CPNE4: variants seen among roughly 807,000 people sequenced by gnomAD.
CPNE4 encodes copine 4, also known as copine-4.
A neutral mutation model predicts 67.9 loss-of-function variants in CPNE4; 25 were observed. The observed-to-expected ratio is 0.37, with a 90% CI of 0.27 to 0.51. CPNE4 has a LOEUF of 0.51. Among genes scored for constraint, CPNE4 ranks in the 20% least tolerant of loss-of-function variants. The probability of loss-of-function intolerance (pLI) is 0.93; values close to 1 mark genes in which losing one functional copy is unlikely to be tolerated. For missense variants in CPNE4, 464 were observed against 690.8 expected (o/e 0.67, Z 3.68); for synonymous variants, 242 against 244.9 (o/e 0.99, Z 0.11).
intron 1 of CPNE4, among the ~76,000 whole-genome samples, chr3:131,931,251 C>T (rs1160214376): frequency 6.6e-6 from 1 of 152,098 alleles, no homozygotes; most frequent in Non-Finnish European, 1.5e-5. Flanking sequence ...CATACAAATA[C>T]TGCAAACATG....
chr3:131,744,216 G>A (rs1376298134), intron 2 of CPNE4, among the ~76,000 whole-genome samples: 2 of 151,778 alleles, frequency 1.3e-5, no homozygotes, highest in East Asian at 1.9e-4. Context: ...AAGAGGATTT[G>A]GTAAGATGCC....
chr3:131,952,838 T>C (rs1583504757), intron 1 of CPNE4, among the ~76,000 whole-genome samples: 1 of 152,192 alleles, frequency 6.6e-6, no homozygotes, highest in Non-Finnish European at 1.5e-5. Flanking sequence ...AATCGGATGG[T>C]TGCCCTGTCT....
intron 7 of CPNE4, among the ~76,000 whole-genome samples, chr3:131,657,888 A>G (rs2080019657): frequency 6.6e-6 from 1 of 152,076 alleles, no homozygotes; most frequent in Non-Finnish European, 1.5e-5. Context: ...TTTAAGATCA[A>G]GCACCTTATT....
At chr3:131,709,766 T>G (rs942876727) in intron 3 of CPNE4, among the ~76,000 whole-genome samples, 2 of 152,206 alleles carry the variant, frequency 1.3e-5, no homozygotes, top group Non-Finnish European at 2.9e-5. Context: ...ATGAGATAAT[T>G]GGTACGAAGC....
intron 15 of CPNE4, among the ~76,000 whole-genome samples, chr3:131,539,127 A>T (rs146203580): frequency 1.1e-3 from 169 of 152,308 alleles, no homozygotes; most frequent in African/African-American, 4.0e-3. Context: ...TATTGAATTC[A>T]AAGTAGATTA....
At chr3:131,620,991 G>A (rs893281007) in intron 7 of CPNE4, among the ~76,000 whole-genome samples, 3 of 151,026 alleles carry the variant, frequency 2.0e-5, no homozygotes, top group African/African-American at 5.0e-5. Context: ...CCATCATCAA[G>A]TGGTTTTTGT....
intron 12 of CPNE4, among the ~76,000 whole-genome samples, chr3:131,554,379 G>T (rs2107649291): frequency 6.6e-6 from 1 of 152,188 alleles, no homozygotes; most frequent in East Asian, 1.9e-4. Flanking sequence ...TTAAAAGTGT[G>T]TCAAATATAA....
At chr3:131,637,907 C>A (rs1467214305) in intron 7 of CPNE4, among the ~76,000 whole-genome samples, 1 of 152,118 alleles carries the variant, frequency 6.6e-6, no homozygotes, top group Non-Finnish European at 1.5e-5. Context: ...AAAAAATTAT[C>A]AGCCAAAATT....
chr3:131,576,041 A>G (rs868692611), intron 9 of CPNE4, among the ~76,000 whole-genome samples: 1 of 152,308 alleles, frequency 6.6e-6, no homozygotes, highest in African/African-American at 2.4e-5. Flanking sequence ...TACAGTGATT[A>G]GAAAAACACA....
At chr3:131,588,272 G>C (rs757194109) in intron 7 of CPNE4, among the ~76,000 whole-genome samples, 4 of 152,094 alleles carry the variant, frequency 2.6e-5, no homozygotes, top group African/African-American at 4.8e-5. Context: ...TTCAGCTCTC[G>C]AGTGATACTT....
At chr3:131,679,893 T>C (rs994187038) in intron 6 of CPNE4, among the ~76,000 whole-genome samples, 20 of 152,298 alleles carry the variant, frequency 1.3e-4, no homozygotes, top group African/African-American at 4.6e-4. Context: ...GTGAGAAGAA[T>C]GTATATTCTA....
intron 7 of CPNE4, among the ~76,000 whole-genome samples, chr3:131,653,845 A>G (rs146968753): frequency 6.6e-6 from 1 of 152,322 alleles, no homozygotes; most frequent in African/African-American, 2.4e-5. Flanking sequence ...TATGCAACTT[A>G]CACGTCAGCA....
rs761038808 is a variant in CPNE4, at chr3:131,555,480, C to T, written c.1116+17G>A. The T allele has an allele frequency of 6.2e-7, 1 of 1,609,064 alleles. No homozygotes were observed. Among genetic ancestry groups the T allele is most frequent in the South Asian group, 1.1e-5 (1 of 90,562 alleles). ...ACCACAGTGAAGTGGAAGAAGATCA[C>T]ATCTCCACTCACTCACCGTGTACTC... On this transcript the variant is annotated intron_variant, in intron 12 of 15. Transcript: ENST00000429747.
At chr3:131,876,599 A>C (rs1335601774) in intron 2 of CPNE4, among the ~76,000 whole-genome samples, 4 of 141,822 alleles carry the variant, frequency 2.8e-5, no homozygotes, top group Non-Finnish European at 6.0e-5. Flanking sequence ...CCAAGATCGC[A>C]CCATTGCACT....
chr3:132,033,725 G>A, intron 1 of CPNE4, among the ~76,000 whole-genome samples: 1 of 152,236 alleles, frequency 6.6e-6, no homozygotes, highest in East Asian at 1.9e-4. Context: ...GATGAAGGAG[G>A]AGCATTTTTC....
chr3:131,873,739 A>C (rs909399347), intron 2 of CPNE4, among the ~76,000 whole-genome samples: 6 of 152,124 alleles, frequency 3.9e-5, no homozygotes, highest in Non-Finnish European at 8.8e-5. Context: ...CCATAAATGG[A>C]CCTTATCACT....
At chr3:131,663,068 C>T (rs998627943) in intron 7 of CPNE4, among the ~76,000 whole-genome samples, 5 of 152,088 alleles carry the variant, frequency 3.3e-5, no homozygotes, top group African/African-American at 4.8e-5. Flanking sequence ...ACCCAAATGC[C>T]CATTAATGAT....
chr3:131,884,424 G>A (rs1166443080), intron 2 of CPNE4, among the ~76,000 whole-genome samples: 6 of 152,188 alleles, frequency 3.9e-5, no homozygotes, highest in Admixed American at 2.6e-4. Context: ...AGAAGTAGGT[G>A]TCTCCCACAG....
chr3:131,745,575 T>A (rs2107787638), intron 2 of CPNE4, among the ~76,000 whole-genome samples: 1 of 152,262 alleles, frequency 6.6e-6, no homozygotes, highest in East Asian at 1.9e-4. Context: ...CTGTGATTCA[T>A]TTTGGGTTAT....
Sources: allele counts gnomAD v4.1 joint callset (sites outside exome capture counted in the v4.1 genomes callset), GRCh38; gene constraint gnomAD v4.1.1; transcripts MANE v1.5; gene names NCBI Gene and HGNC (gene_info 2026-07-23, HGNC 2026-07-21).